The following DRC8 variants were observed in gnomAD, a reference collection of about 807,000 sequenced individuals.
DRC8 encodes dynein regulatory complex protein 8.
chr1:244,982,500 A>G, the DRC8 span, among the ~76,000 whole-genome samples: 1 of 152,226 alleles, frequency 6.6e-6, no homozygotes, highest in Non-Finnish European at 1.5e-5. Context: ...CCCCATCTCT[A>G]CAAAAAGACA....
At chr1:245,055,054 T>G in the DRC8 span, among the ~76,000 whole-genome samples, 1 of 152,108 alleles carries the variant, frequency 6.6e-6, no homozygotes, top group African/African-American at 2.4e-5. Flanking sequence ...GAACAGAGAA[T>G]TTCAGGGAAC....
At chr1:245,116,331 C>T in the DRC8 span, among the ~76,000 whole-genome samples, 4 of 152,052 alleles carry the variant, frequency 2.6e-5, no homozygotes, top group Middle Eastern at 3.2e-3. Context: ...GAGGCTGCAG[C>T]GAGCCTTGAC....
chr1:245,105,631 A>AAC, the DRC8 span, among the ~76,000 whole-genome samples: 2 of 150,854 alleles, frequency 1.3e-5, no homozygotes, highest in African/African-American at 4.9e-5. Flanking sequence ...TCAAAAAAAA[A>AAC]AAAAAAACAA....
chr1:245,042,375 T>A, the DRC8 span, among the ~76,000 whole-genome samples: 86,606 of 152,184 alleles, frequency 0.57, 26,700 homozygotes, highest in East Asian at 0.73. Context: ...GAAGCATATC[T>A]TAGCAGTGGA....
the DRC8 span, among the ~76,000 whole-genome samples, chr1:245,097,617 A>G: frequency 6.6e-6 from 1 of 152,208 alleles, no homozygotes; most frequent in Admixed American, 6.5e-5. This position sits in a 1 kb window ranked among gnomAD's most constrained non-coding sequence, Gnocchi z 5.0. Flanking sequence ...TGAGGTTGAC[A>G]GTAGGAGGCA....
chr1:245,118,795 A>AAAAAAGAAAAG, the DRC8 span, among the ~76,000 whole-genome samples: 2 of 138,484 alleles, frequency 1.4e-5, no homozygotes, highest in East Asian at 4.4e-4. Flanking sequence ...GCCATCTCAA[A>AAAAAAGAAAAG]AAAAGAAAAG....
At chr1:245,074,660 C>T in the DRC8 span, among the ~76,000 whole-genome samples, 5 of 152,134 alleles carry the variant, frequency 3.3e-5, no homozygotes, top group Non-Finnish European at 5.9e-5. Context: ...AATTTATAAC[C>T]CAGAAGACTC....
At chr1:245,004,227 T>C in the DRC8 span, among the ~76,000 whole-genome samples, 1 of 152,112 alleles carries the variant, frequency 6.6e-6, no homozygotes, top group African/African-American at 2.4e-5. Context: ...GGATTGATTT[T>C]TTTTTTACAT....
the DRC8 span, chr1:245,002,274 G>A: frequency 1.1e-5 from 16 of 1,510,058 alleles, no homozygotes; most frequent in Middle Eastern, 1.7e-4. Flanking sequence ...TGTGTCAATC[G>A]CTTAACCATC....
chr1:245,087,832 C>A, the DRC8 span: 1 of 798,372 alleles, frequency 1.3e-6, no homozygotes, highest in Non-Finnish European at 1.5e-6. Flanking sequence ...ATAAATATTA[C>A]TAATTTATTT....
At chr1:245,045,763 AGCAGCCATCGGTCTGACTGGTTG>A in the DRC8 span, among the ~76,000 whole-genome samples, 1 of 75,654 alleles carries the variant, frequency 1.3e-5, no homozygotes, top group Non-Finnish European at 3.2e-5. Context: ...GGTTGTGGAC[AGCAGCCATCGGTCTGACTGGTTG>A]TGGACAGCAA....
At chr1:245,077,343 G>A in the DRC8 span, among the ~76,000 whole-genome samples, 1 of 151,838 alleles carries the variant, frequency 6.6e-6, no homozygotes, top group African/African-American at 2.4e-5. Flanking sequence ...AAAAACTAAT[G>A]GAATCCAAAT....
the DRC8 span, among the ~76,000 whole-genome samples, chr1:245,100,078 C>T: frequency 1.1e-4 from 16 of 152,176 alleles, no homozygotes; most frequent in African/African-American, 3.9e-4. Context: ...ATACTATAAT[C>T]GTCCCTTTAA....
chr1:244,992,509 C>T, the DRC8 span, among the ~76,000 whole-genome samples: 9 of 152,254 alleles, frequency 5.9e-5, no homozygotes, highest in East Asian at 3.9e-4. Flanking sequence ...GAGGCTCAGG[C>T]GGGCAGATTA....
the DRC8 span, among the ~76,000 whole-genome samples, chr1:245,025,420 G>T: frequency 6.6e-6 from 1 of 152,018 alleles, no homozygotes; most frequent in Admixed American, 6.5e-5. Flanking sequence ...AAATAAAAAT[G>T]CCAGCACCAC....
At chr1:244,984,513 A>G in the DRC8 span, among the ~76,000 whole-genome samples, 1 of 152,172 alleles carries the variant, frequency 6.6e-6, no homozygotes, top group Non-Finnish European at 1.5e-5. Context: ...ATTAAGAGTA[A>G]ATGTATTTTT....
At chr1:245,019,086 T>G in the DRC8 span, among the ~76,000 whole-genome samples, 2 of 152,182 alleles carry the variant, frequency 1.3e-5, no homozygotes, top group African/African-American at 4.8e-5. Context: ...AAGGGCCAAT[T>G]CAGTAAAAGA....
chr1:244,996,611 C>T, the DRC8 span, among the ~76,000 whole-genome samples: 7 of 152,258 alleles, frequency 4.6e-5, no homozygotes, highest in African/African-American at 1.7e-4. Flanking sequence ...GGAACTGCTA[C>T]CCCCAGTTGA....
the DRC8 span, among the ~76,000 whole-genome samples, chr1:245,097,019 G>C: frequency 6.6e-6 from 1 of 152,270 alleles, no homozygotes; most frequent in East Asian, 1.9e-4. The surrounding 1 kb of genome is among the most constrained non-coding windows in gnomAD (Gnocchi z 5.0). Context: ...TCTGCTGAAT[G>C]AATGAATATA....
Sources: allele counts gnomAD v4.1 joint callset (sites outside exome capture counted in the v4.1 genomes callset), GRCh38; gene constraint gnomAD v4.1.1; non-coding constraint Gnocchi (gnomAD v3.1); transcripts MANE v1.5; gene names NCBI Gene and HGNC (gene_info 2026-07-23, HGNC 2026-07-21).